NFIB: variants seen among roughly 807,000 people sequenced by gnomAD.
NFIB encodes the protein nuclear factor I B.
Under a neutral mutation model 61.5 loss-of-function variants are expected in NFIB, and 11 were observed. The ratio of observed to expected loss-of-function variants is 0.18; its 90% CI spans 0.11 to 0.30. NFIB has a LOEUF of 0.30. NFIB is among the 10% of genes least tolerant of loss of function. NFIB has a pLI of 1.00. For synonymous variants in NFIB, 260 were observed against 216.5 expected (o/e 1.20, Z -1.76); for missense variants, 471 against 608.9 (o/e 0.77, Z 2.38).
chr9:14,204,925 C>T lies in NFIB; in HGVS notation c.563-25145G>A, dbSNP rs534710192. On this transcript the variant is annotated intron_variant, in intron 2 of 10. Coordinates refer to ENST00000380953, the MANE Select transcript of NFIB (RefSeq NM_001190737.2). ...TGGTAGCTATCAGAACCAATTACAA[C>T]GACAGAGCCAATGAGATCCGTCATC... 943 of 355,014 alleles carry T rather than the reference C, an allele frequency of 2.7e-3. 1 individual carries two copies. Among genetic ancestry groups the T allele is most frequent in the Non-Finnish European group, 4.3e-3 (789 of 185,110 alleles). The allele number at this position is 355,014 out of a possible 1,614,324, so 22.0% of individuals were successfully genotyped here. A position where few individuals can be genotyped will look rare whatever the true frequency, so the allele number is the denominator to read the frequency against.
chr9:14,442,693 T>C, the NFIB span, among the ~76,000 whole-genome samples: 2 of 152,160 alleles, frequency 1.3e-5, no homozygotes, highest in African/African-American at 4.8e-5. Flanking sequence ...TGTCAGACTT[T>C]GCCTTTTGAT....
At chr9:14,332,347 A>AG (rs1447101352) in intron 1 of NFIB, among the ~76,000 whole-genome samples, 1 of 151,290 alleles carries the variant, frequency 6.6e-6, no homozygotes, top group Non-Finnish European at 1.5e-5. Context: ...AAAAAAAAAA[A>AG]AAACACACAA....
intron 2 of NFIB, among the ~76,000 whole-genome samples, chr9:14,185,643 T>C (rs920009799): frequency 2.0e-5 from 3 of 152,168 alleles, no homozygotes; most frequent in Non-Finnish European, 4.4e-5. Context: ...TTAAGTCAAA[T>C]GAACAGAAAA....
intron 2 of NFIB, among the ~76,000 whole-genome samples, chr9:14,227,632 A>G (rs1200377873): frequency 6.6e-6 from 1 of 152,172 alleles, no homozygotes; most frequent in Admixed American, 6.5e-5. Context: ...ATTTTCTCCA[A>G]TGTTGTTGAT....
chr9:14,242,054 G>C (rs996759053), intron 2 of NFIB, among the ~76,000 whole-genome samples: 2 of 152,100 alleles, frequency 1.3e-5, no homozygotes, highest in Non-Finnish European at 2.9e-5. Flanking sequence ...AAGCCTATAA[G>C]GCAAACCAGC....
At chr9:14,458,628 A>G in the NFIB span, among the ~76,000 whole-genome samples, 2 of 152,226 alleles carry the variant, frequency 1.3e-5, no homozygotes, top group African/African-American at 4.8e-5. Flanking sequence ...CCATCGTCTC[A>G]GCTCAAAATC....
the NFIB span, among the ~76,000 whole-genome samples, chr9:14,434,966 G>C: frequency 6.6e-5 from 10 of 152,166 alleles, no homozygotes; most frequent in South Asian, 2.1e-4. Flanking sequence ...CAGCTCTAAG[G>C]CTTCTAGAAG....
chr9:14,403,800 G>A (rs905857811), upstream of NFIB, among the ~76,000 whole-genome samples: 1 of 152,082 alleles, frequency 6.6e-6, no homozygotes, highest in Non-Finnish European at 1.5e-5. Context: ...ATCTTTCTCT[G>A]TCAAAGAGAT....
At chr9:14,380,598 C>T (rs557769141) in intron 1 of NFIB, among the ~76,000 whole-genome samples, 44 of 152,258 alleles carry the variant, frequency 2.9e-4, no homozygotes, top group African/African-American at 9.1e-4. Flanking sequence ...TAACAAATTA[C>T]AGGAAGCAGC....
the NFIB span, among the ~76,000 whole-genome samples, chr9:14,496,987 G>C: frequency 3.9e-5 from 6 of 152,240 alleles, no homozygotes; most frequent in African/African-American, 1.4e-4. Context: ...TAGTCTTTTA[G>C]GAACAAACCA....
chr9:14,412,174 G>C, the NFIB span, among the ~76,000 whole-genome samples: 1 of 152,170 alleles, frequency 6.6e-6, no homozygotes, highest in African/African-American at 2.4e-5. Context: ...AAGTTTGGGG[G>C]TAATTTGTTA....
intron 2 of NFIB, among the ~76,000 whole-genome samples, chr9:14,210,175 G>A (rs2050166662): frequency 1.3e-5 from 2 of 152,000 alleles, no homozygotes. Flanking sequence ...TTTTCCTTTG[G>A]AAAAAGGATT....
intron 2 of NFIB, among the ~76,000 whole-genome samples, chr9:14,202,278 T>A (rs1413135149): frequency 6.6e-6 from 1 of 152,050 alleles, no homozygotes; most frequent in Non-Finnish European, 1.5e-5. Context: ...ATAAGCAGAA[T>A]GTGTAAAGGT....
At chr9:14,513,310 A>T in the NFIB span, among the ~76,000 whole-genome samples, 1 of 152,158 alleles carries the variant, frequency 6.6e-6, no homozygotes, top group Admixed American at 6.6e-5. Context: ...GTAAAGGTTT[A>T]ATTCACTTAT....
the NFIB span, among the ~76,000 whole-genome samples, chr9:14,439,460 T>C: frequency 3.3e-5 from 5 of 152,234 alleles, no homozygotes; most frequent in African/African-American, 4.8e-5. Context: ...TAATAATACC[T>C]GCGTTATAGG....
chr9:14,236,178 T>G, intron 2 of NFIB, among the ~76,000 whole-genome samples: 1 of 152,220 alleles, frequency 6.6e-6, no homozygotes, highest in Non-Finnish European at 1.5e-5. Flanking sequence ...AACTGCCCAC[T>G]AATAGCTAAA....
chr9:14,190,288 A>T (rs7034162), intron 2 of NFIB, among the ~76,000 whole-genome samples: 122,894 of 152,024 alleles, frequency 0.81, 50,229 homozygotes, highest in South Asian at 0.91. Flanking sequence ...ATACATTTAA[A>T]CTCAAGATGC....
At chr9:14,380,722 G>A (rs547514798) in intron 1 of NFIB, among the ~76,000 whole-genome samples, 1 of 152,254 alleles carries the variant, frequency 6.6e-6, no homozygotes, top group South Asian at 2.1e-4. Context: ...CAGGAGCATG[G>A]TGCTTTTTAT....
intron 2 of NFIB, among the ~76,000 whole-genome samples, chr9:14,245,464 G>T: frequency 6.9e-6 from 1 of 145,294 alleles, no homozygotes; most frequent in African/African-American, 2.5e-5. Flanking sequence ...AAACAAAACA[G>T]AAAAAAAAAA....
Sources: gnomAD v4.1 joint callset for allele counts (sites outside exome capture counted in the v4.1 genomes callset) on GRCh38, gnomAD v4.1.1 for gene constraint, MANE v1.5 for transcripts, NCBI Gene and HGNC (gene_info 2026-07-23, HGNC 2026-07-21) for gene names.